GPC5: variants seen among roughly 807,000 people sequenced by gnomAD.
GPC5 encodes glypican-5.
A neutral mutation model predicts 53.9 loss-of-function variants in GPC5; 47 were observed. The observed-to-expected ratio is 0.87, with a 90% CI of 0.69 to 1.11. GPC5 has a LOEUF of 1.11. Among genes scored for constraint, GPC5 ranks in the 50% most tolerant of loss-of-function variants. The pLI is 0.00. For missense variants in GPC5, 748 were observed against 713.1 expected, an observed-to-expected ratio of 1.05 and a Z score of -0.56; for synonymous variants, 286 against 263.3, an observed-to-expected ratio of 1.09 and a Z score of -0.84.
chr13:92,230,346 T>C (rs1376668206), intron 7 of GPC5, among the ~76,000 whole-genome samples: 1 of 152,202 alleles, frequency 6.6e-6, no homozygotes, highest in Non-Finnish European at 1.5e-5. Flanking sequence ...AAGTTAAAGA[T>C]AAAGGTAGTC....
In GPC5 at chr13:92,866,427, C is replaced by G. The variant is rs561902215; in HGVS notation, c.1707C>G (p.Pro569=). 6.2e-7 allele frequency: 1 copy of G among 1,601,948 alleles called. No homozygotes were observed. The highest frequency in any genetic ancestry group is 1.1e-5 in the South Asian group (1 of 89,622). ...TGATAAGTGTGGTGATGTTACTTCC[C>G]GGGATTTGGTAACTGAACTCTTCTG... ...FTLISVVMLL[P]GIW The change falls in exon 8 of 8, where the codon CCC becomes CCG. Residue 569 remains proline (P), a synonymous_variant. Transcript: ENST00000377067.
At chr13:92,631,404 A>G (rs552215134) in intron 7 of GPC5, among the ~76,000 whole-genome samples, 1 of 152,252 alleles carries the variant, frequency 6.6e-6, no homozygotes, top group South Asian at 2.1e-4. Context: ...AACATGATAT[A>G]ATATCAAGGT....
intron 7 of GPC5, among the ~76,000 whole-genome samples, chr13:92,452,821 G>T (rs1002507101): frequency 6.6e-6 from 1 of 152,036 alleles, no homozygotes; most frequent in East Asian, 1.9e-4. Flanking sequence ...CACCTGCCTC[G>T]GCCTCCCAAA....
At chr13:91,592,981 C>T (rs894294731) in intron 2 of GPC5, among the ~76,000 whole-genome samples, 1 of 152,218 alleles carries the variant, frequency 6.6e-6, no homozygotes, top group African/African-American at 2.4e-5. Context: ...CCTGTCTATG[C>T]TCTCCTGGAG....
At chr13:91,555,051 T>G (rs1210116866) in intron 2 of GPC5, among the ~76,000 whole-genome samples, 1 of 152,122 alleles carries the variant, frequency 6.6e-6, no homozygotes, top group African/African-American at 2.4e-5. Flanking sequence ...CTTTTAATTT[T>G]TTTCTAATCA....
chr13:92,723,925 TTAACTGG>T (rs1888569546), intron 7 of GPC5, among the ~76,000 whole-genome samples: 1 of 151,694 alleles, frequency 6.6e-6, no homozygotes, highest in East Asian at 1.9e-4. Context: ...CTGTTACTCT[TTAACTGG>T]TAAGACTAGC....
intron 2 of GPC5, among the ~76,000 whole-genome samples, chr13:91,604,528 A>G (rs1881276277): frequency 7.0e-6 from 1 of 143,766 alleles, no homozygotes; most frequent in Non-Finnish European, 1.5e-5. Context: ...GAATCGCCAC[A>G]CTGACTTCCA....
chr13:92,794,412 C>G (rs189536275), intron 7 of GPC5, among the ~76,000 whole-genome samples: 1 of 152,214 alleles, frequency 6.6e-6, no homozygotes, highest in East Asian at 1.9e-4. Context: ...TTATGACAAA[C>G]CCACAGCCAG....
chr13:92,760,279 T>C (rs1875107971), intron 7 of GPC5, among the ~76,000 whole-genome samples: 1 of 152,116 alleles, frequency 6.6e-6, no homozygotes, highest in Non-Finnish European at 1.5e-5. Flanking sequence ...CTTTGAAAGG[T>C]TGGTAGAATT....
intron 7 of GPC5, among the ~76,000 whole-genome samples, chr13:92,266,576 C>G (rs1417002141): frequency 6.6e-6 from 1 of 152,000 alleles, no homozygotes; most frequent in Non-Finnish European, 1.5e-5. Context: ...CTGTTACGTA[C>G]CTTTCAGAGT....
chr13:92,182,794 G>A (rs1010229450), intron 7 of GPC5, among the ~76,000 whole-genome samples: 2 of 151,898 alleles, frequency 1.3e-5, no homozygotes, highest in African/African-American at 2.4e-5. Flanking sequence ...GCGTGAACCC[G>A]GCAGGCAGAG....
intron 6 of GPC5, among the ~76,000 whole-genome samples, chr13:92,119,541 A>G (rs1252817999): frequency 6.8e-6 from 1 of 146,874 alleles, no homozygotes; most frequent in Non-Finnish European, 1.5e-5. Context: ...CTGGGACTAC[A>G]AGGCGCCCGC....
At chr13:92,071,849 C>A (rs940686182) in intron 6 of GPC5, among the ~76,000 whole-genome samples, 1 of 145,038 alleles carries the variant, frequency 6.9e-6, no homozygotes, top group African/African-American at 2.5e-5. Context: ...ATATATATAA[C>A]GAATTTATTA....
rs75295484 is a variant in GPC5, at chr13:91,476,529, A to G, written c.325+27607A>G. ...GTATATATTTTGTAATACAAAATAC[A>G]TAGATTGAACCATATTGCTAAGGGC... On this transcript the variant is annotated intron_variant, in intron 2 of 7. Transcript: ENST00000377067. Among the ~76,000 whole-genome samples the G allele has an allele frequency of 2.0e-5, 3 of 152,354 alleles. No homozygotes were observed. In the East Asian group the frequency reaches 5.8e-4, roughly 29 times the overall value.
chr13:92,788,547 C>A (rs926257301), intron 7 of GPC5, among the ~76,000 whole-genome samples: 1 of 152,192 alleles, frequency 6.6e-6, no homozygotes, highest in African/African-American at 2.4e-5. Flanking sequence ...GTCAGCACAT[C>A]TAAATTTGTT....
At chr13:91,497,774 G>A (rs1331742713) in intron 2 of GPC5, among the ~76,000 whole-genome samples, 3 of 152,056 alleles carry the variant, frequency 2.0e-5, no homozygotes. Context: ...TGTTTATTGT[G>A]GAAATGAAAA....
At chr13:92,104,935 C>G (rs1049448595) in intron 6 of GPC5, among the ~76,000 whole-genome samples, 1 of 152,038 alleles carries the variant, frequency 6.6e-6, no homozygotes, top group African/African-American at 2.4e-5. Context: ...AAAACATGGA[C>G]ATGTTGAGAA....
At chr13:92,586,962 A>ACG (rs142323668) in intron 7 of GPC5, among the ~76,000 whole-genome samples, 20,155 of 100,658 alleles carry the variant, frequency 0.2, 1,991 homozygotes, top group African/African-American at 0.39. Flanking sequence ...ACACACACAC[A>ACG]CGCGCACACA....
At chr13:91,812,216 A>G (rs2038323433) in intron 5 of GPC5, among the ~76,000 whole-genome samples, 1 of 152,216 alleles carries the variant, frequency 6.6e-6, no homozygotes, top group Non-Finnish European at 1.5e-5. Flanking sequence ...GACTATAAAT[A>G]TAAAAATGTC....
Sources: allele counts gnomAD v4.1 joint callset (sites outside exome capture counted in the v4.1 genomes callset), GRCh38; gene constraint gnomAD v4.1.1; transcripts MANE v1.5; gene names NCBI Gene and HGNC (gene_info 2026-07-23, HGNC 2026-07-21).